Variants in TCF7L2 observed in about 807,000 individuals in gnomAD.
TCF7L2 encodes the protein transcription factor 7 like 2, also known as transcription factor 7-like 2.
TCF7L2 carries 23 observed loss-of-function variants against 77.9 expected under a neutral mutation model. The observed-to-expected ratio is 0.30, with a 90% confidence interval of 0.21 to 0.42. The LOEUF is 0.42. Among genes scored for constraint, TCF7L2 ranks in the 10% least tolerant of loss-of-function variants. TCF7L2 has a pLI of 1.00. For missense variants in TCF7L2, 654 were observed against 793.1 expected, an observed-to-expected ratio of 0.82 and a Z score of 2.11; for synonymous variants, 413 against 340.2, an observed-to-expected ratio of 1.21 and a Z score of -2.36.
intron 4 of TCF7L2, among the ~76,000 whole-genome samples, chr10:113,034,970 T>A (rs892527809): frequency 2.0e-5 from 3 of 151,132 alleles, no homozygotes; most frequent in African/African-American, 7.4e-5. Context: ...CTCCCCTCCT[T>A]CCCTTTCCTC....
At chr10:113,124,537 A>T (rs1461113968) in intron 5 of TCF7L2, among the ~76,000 whole-genome samples, 4 of 152,156 alleles carry the variant, frequency 2.6e-5, no homozygotes, top group African/African-American at 9.7e-5. Flanking sequence ...GCTATTCCTA[A>T]AACATCTAAG....
At chr10:113,031,707 C>G (rs148602286) in intron 4 of TCF7L2, among the ~76,000 whole-genome samples, 249 of 152,152 alleles carry the variant, frequency 1.6e-3, no homozygotes, top group African/African-American at 5.7e-3. Context: ...AGGCTGGTCT[C>G]GAACTACTGA....
intron 11 of TCF7L2, among the ~76,000 whole-genome samples, chr10:113,153,761 G>C (rs952161587): frequency 2.0e-5 from 3 of 152,206 alleles, no homozygotes; most frequent in Non-Finnish European, 4.4e-5. Flanking sequence ...AGTTAAGTCG[G>C]ATATCTTTAC....
chr10:112,964,754 G>GTGGTGA (rs1564718943), intron 4 of TCF7L2, 130 bp downstream of exon 4: 1 of 793,726 alleles, frequency 1.3e-6, no homozygotes, highest in Non-Finnish European at 1.9e-6. Context: ...GGTGGTGGTG[G>GTGGTGA]TGGTGATGGT....
At chr10:113,033,233 C>G (rs567553505) in intron 4 of TCF7L2, among the ~76,000 whole-genome samples, 1 of 150,080 alleles carries the variant, frequency 6.7e-6, no homozygotes, top group East Asian at 2.0e-4. Flanking sequence ...GCTTCTCTCT[C>G]TCTCTCTCGT....
At chr10:113,075,373 C>T (rs937188011) in intron 5 of TCF7L2, among the ~76,000 whole-genome samples, 2 of 151,734 alleles carry the variant, frequency 1.3e-5, no homozygotes, top group Non-Finnish European at 2.9e-5. Context: ...GCAGGAGAAT[C>T]GCTTGAACCT....
chr10:112,954,937 C>T (rs968764251), intron 3 of TCF7L2, among the ~76,000 whole-genome samples: 1 of 152,082 alleles, frequency 6.6e-6, no homozygotes, highest in Non-Finnish European at 1.5e-5. Flanking sequence ...CCGAGAGGGG[C>T]CTATTCATTG....
chr10:113,119,681 TAA>T (rs200785657), intron 5 of TCF7L2, among the ~76,000 whole-genome samples: 44 of 149,036 alleles, frequency 3.0e-4, no homozygotes, highest in African/African-American at 9.7e-4. Context: ...TTTTTTTTTT[TAA>T]AAAAACTTAT....
At chr10:113,153,518 A>G (rs2071203782) in intron 11 of TCF7L2, among the ~76,000 whole-genome samples, 1 of 152,180 alleles carries the variant, frequency 6.6e-6, no homozygotes. Context: ...AGCTTGACGT[A>G]TAGGGGTCGA....
At chr10:113,149,565 T>C (rs2070290955) in intron 8 of TCF7L2, among the ~76,000 whole-genome samples, 2 of 152,258 alleles carry the variant, frequency 1.3e-5, no homozygotes, top group African/African-American at 2.4e-5. Context: ...CAAATTAATG[T>C]TTGTTACCTT....
chr10:113,029,044 A>G (rs1330460350), intron 4 of TCF7L2, among the ~76,000 whole-genome samples: 1 of 152,166 alleles, frequency 6.6e-6, no homozygotes, highest in Non-Finnish European at 1.5e-5. Flanking sequence ...ATTTGTCTTC[A>G]TTTACATGGT....
At chr10:113,106,094 A>T (rs2135990579) in intron 5 of TCF7L2, among the ~76,000 whole-genome samples, 1 of 152,296 alleles carries the variant, frequency 6.6e-6, no homozygotes, top group South Asian at 2.1e-4. Flanking sequence ...ACACAAGAAA[A>T]GTAAAATAAC....
chr10:112,992,758 A>G (rs1019636888), intron 4 of TCF7L2, among the ~76,000 whole-genome samples: 3 of 148,720 alleles, frequency 2.0e-5, no homozygotes, highest in Non-Finnish European at 3.0e-5. Flanking sequence ...ACTCTCTTAT[A>G]TTTTTCTTTC....
chr10:113,158,573 G>A (rs1046829469), intron 12 of TCF7L2, 94 bp from the exon 13 acceptor site: 7 of 1,206,206 alleles, frequency 5.8e-6, no homozygotes, highest in Admixed American at 3.8e-5. Context: ...TACTGCATAG[G>A]CAATCTCAGA....
chr10:113,126,522 C>T (rs144669665), intron 5 of TCF7L2: 4 of 977,084 alleles, frequency 4.1e-6, no homozygotes, highest in African/African-American at 1.8e-5. Context: ...GATTGAATGC[C>T]GGGGTTTGGG....
chr10:112,951,170 TGCCCCTC>T (rs772059952), intron 1 of TCF7L2, 30 bp from the exon 2 acceptor site: 19 of 1,544,658 alleles, frequency 1.2e-5, no homozygotes, highest in Non-Finnish European at 1.6e-5. Flanking sequence ...GCGTGGCGTT[TGCCCCTC>T]GCCCTCCCCA....
At chr10:113,004,821 C>T (rs1040348224) in intron 4 of TCF7L2, among the ~76,000 whole-genome samples, 13 of 152,038 alleles carry the variant, frequency 8.6e-5, no homozygotes, top group African/African-American at 2.2e-4. Flanking sequence ...GTCAGGCACC[C>T]GCCACCATGC....
chr10:112,969,766 C>G (rs1300439300), intron 4 of TCF7L2, among the ~76,000 whole-genome samples: 1 of 152,214 alleles, frequency 6.6e-6, no homozygotes, highest in Admixed American at 6.5e-5. Context: ...CTCCATTAAC[C>G]TGGGAGGAGG....
chr10:112,977,788 G>T (rs115633283), intron 4 of TCF7L2, among the ~76,000 whole-genome samples: 1 of 152,288 alleles, frequency 6.6e-6, no homozygotes, highest in Non-Finnish European at 1.5e-5. Flanking sequence ...CAGGCCACTC[G>T]GGGGAGGCAG....
Sources: allele counts gnomAD v4.1 joint callset (sites outside exome capture counted in the v4.1 genomes callset), GRCh38; gene constraint gnomAD v4.1.1; transcripts MANE v1.5; gene names NCBI Gene and HGNC (gene_info 2026-07-23, HGNC 2026-07-21).